Variants in EML4 observed in about 807,000 individuals in gnomAD.
The protein encoded by EML4 is echinoderm microtubule-associated protein-like 4.
A neutral mutation model predicts 129.0 loss-of-function variants in EML4; 72 were observed. The ratio of observed to expected loss-of-function variants is 0.56; its 90% CI spans 0.46 to 0.68. The LOEUF (loss-of-function observed/expected upper bound fraction) is 0.68, where lower values mean the gene tolerates loss of function less well. Among genes scored for constraint, EML4 ranks in the 30% least tolerant of loss-of-function variants. EML4 has a pLI of 0.00. For synonymous variants in EML4, 532 were observed against 405.0 expected, an observed-to-expected ratio of 1.31 and a Z score of -3.77; for missense variants, 1,363 against 1,190.6, an observed-to-expected ratio of 1.14 and a Z score of -2.13.
chr2:42,205,523 A>G (rs1163558890), intron 1 of EML4, among the ~76,000 whole-genome samples: 1 of 144,530 alleles, frequency 6.9e-6, no homozygotes, highest in African/African-American at 2.4e-5. Context: ...TACCTAACTC[A>G]CAGTAAGCAC....
rs2104389962 is a variant in EML4, at chr2:42,263,174, C to T, written c.513-4C>T. ...TTTCTCTAAGAAATTAATGTTCCTT[C>T]TAGCATAAAACGACCATCACCAGCT... On this transcript the variant is annotated splice_region_variant and splice_polypyrimidine_tract_variant and intron_variant, in intron 4 of 22. Coordinates refer to ENST00000318522, the MANE Select transcript of EML4 (RefSeq NM_019063.5). The T allele has an allele frequency of 6.2e-7, 1 of 1,608,040 alleles. No homozygotes were observed. Among genetic ancestry groups the T allele is most frequent in the Non-Finnish European group, 8.5e-7 (1 of 1,177,826 alleles).
chr2:42,316,208 A>C (rs987168868), intron 18 of EML4, among the ~76,000 whole-genome samples, 158 bp downstream of exon 18: 1 of 152,272 alleles, frequency 6.6e-6, no homozygotes, highest in Non-Finnish European at 1.5e-5. Context: ...TTCTGCTGCC[A>C]GAAACTGCAA....
At chr2:42,189,975 A>C (rs985854806) in intron 1 of EML4, among the ~76,000 whole-genome samples, 11 of 152,184 alleles carry the variant, frequency 7.2e-5, no homozygotes, top group Non-Finnish European at 1.3e-4. Context: ...CAAAGAGGAA[A>C]AAAAAAGTCA....
chr2:42,221,568 CCTGA>C (rs1673600573), intron 1 of EML4, among the ~76,000 whole-genome samples: 1 of 151,532 alleles, frequency 6.6e-6, no homozygotes, highest in Non-Finnish European at 1.5e-5. Flanking sequence ...CCCAACCATG[CCTGA>C]CTAATTTTTG....
intron 1 of EML4, among the ~76,000 whole-genome samples, chr2:42,225,197 T>G (rs1673877464): frequency 6.6e-6 from 1 of 152,176 alleles, no homozygotes; most frequent in Non-Finnish European, 1.5e-5. Flanking sequence ...TGGCTGTTGT[T>G]AATAATACTG....
intron 1 of EML4, among the ~76,000 whole-genome samples, chr2:42,191,825 T>C (rs771333636): frequency 5.9e-5 from 9 of 152,150 alleles, no homozygotes; most frequent in Non-Finnish European, 7.4e-5. Flanking sequence ...TTTGGGAGGC[T>C]GAGGCGGGCG....
chr2:42,194,380 CATT>C (rs1197038168), intron 1 of EML4, among the ~76,000 whole-genome samples: 16 of 121,124 alleles, frequency 1.3e-4, no homozygotes, highest in African/African-American at 4.7e-4. Context: ...TAATTTATAT[CATT>C]GTTGACTTGT....
intron 10 of EML4, among the ~76,000 whole-genome samples, chr2:42,286,619 C>T (rs1667321863): frequency 6.6e-6 from 1 of 152,154 alleles, no homozygotes. Flanking sequence ...ATTATGCTGC[C>T]TTGAGGTAGA....
In EML4 at chr2:42,188,031, G is replaced by A. The variant is rs1185083067; in HGVS notation, c.25+18395G>A. Among the ~76,000 whole-genome samples the A allele has an allele frequency of 3.9e-5, 6 of 152,026 alleles. 1 individual carries two copies. The highest frequency in any genetic ancestry group is 2.6e-4 in the Admixed American group (4 of 15,264). On this transcript the variant is annotated intron_variant, in intron 1 of 22. Coordinates refer to ENST00000318522, the MANE Select transcript of EML4 (RefSeq NM_019063.5). ...TGTATAGGGTACAAAGTCAAGTTTCGTTTATTTGCACACTGATGATTTTTG... is the reference window on the plus strand; with the variant it reads ...TGTATAGGGTACAAAGTCAAGTTTCATTTATTTGCACACTGATGATTTTTG...
intron 1 of EML4, among the ~76,000 whole-genome samples, chr2:42,201,249 CTGTT>C: frequency 6.6e-6 from 1 of 152,150 alleles, no homozygotes. Flanking sequence ...GTATCAGAAT[CTGTT>C]TGATGTACTT....
Position 42,295,777 on chromosome 2 carries a change from A to G in EML4, c.1489+261A>G, listed in dbSNP as rs10490554. ...TAATAATTAGAAAGAAATGATATGG[A>G]TATATGTTAGTTTAAAAAGTATAAA... On this transcript the variant is annotated intron_variant, in intron 13 of 22. Coordinates refer to ENST00000318522, the MANE Select transcript of EML4 (RefSeq NM_019063.5). 0.14 allele frequency among the ~76,000 whole-genome samples: 21,857 copies of G among 152,196 alleles called. 1,782 individuals carry two copies. The highest frequency in any genetic ancestry group is 0.28 in the South Asian group (1,331 of 4,828).
chr2:42,254,565 A>C lies in EML4; in HGVS notation c.209-1936A>C, dbSNP rs553922901. On this transcript the variant is annotated intron_variant, in intron 2 of 22. Transcript: ENST00000318522. The stretch of plus-strand genomic sequence containing the variant: ...TAAAGGAAGTAGGGAATAGAAAAAC[A>C]ATAGAATCAGTGAAACCAAAACTTA... Among the ~76,000 whole-genome samples, 3 of 152,238 alleles carry C rather than the reference A, an allele frequency of 2.0e-5. No individual in the cohort carries two copies. The South Asian group carries it at 6.2e-4, about 32-fold the overall frequency.
At chr2:42,185,789 T>A (rs1429585605) in intron 1 of EML4, among the ~76,000 whole-genome samples, 1 of 152,078 alleles carries the variant, frequency 6.6e-6, no homozygotes, top group Non-Finnish European at 1.5e-5. Flanking sequence ...CTGGGGAGAA[T>A]GAATTGGAGC....
At chr2:42,258,287 G>A (rs1467417344) in intron 3 of EML4, among the ~76,000 whole-genome samples, 3 of 151,778 alleles carry the variant, frequency 2.0e-5, no homozygotes, top group Non-Finnish European at 4.4e-5. Flanking sequence ...TCTGTTTTTT[G>A]TTTTTGTTTT....
chr2:42,184,559 A>G (rs894819921), intron 1 of EML4, among the ~76,000 whole-genome samples: 10 of 151,500 alleles, frequency 6.6e-5, no homozygotes, highest in Admixed American at 4.6e-4. Context: ...CGCCCCCTAC[A>G]TGGATTCCCT....
At chr2:42,256,058 T>C (rs12465809) in intron 2 of EML4, among the ~76,000 whole-genome samples, 42,364 of 152,066 alleles carry the variant, frequency 0.28, 6,438 homozygotes, top group East Asian at 0.57. Context: ...AGGTTAACTT[T>C]ATATACTTAT....
chr2:42,257,754 G>A lies in EML4; in HGVS notation c.338+1124G>A, dbSNP rs528567284. ...CAGGAGGCTGAGGCAGGAGAATGGC[G>A]TGAACCCAGGAGGGGGAGCTTGCAG... is the stretch of plus-strand genomic sequence containing the variant. On this transcript the variant is annotated intron_variant, in intron 3 of 22. Transcript: ENST00000318522. 1.5e-4 allele frequency among the ~76,000 whole-genome samples: 23 copies of A among 151,624 alleles called. No individual in the cohort carries two copies. In the East Asian group the frequency reaches 2.9e-3, roughly 19 times the overall value.
At chr2:42,314,359 A>G (rs1284421533) in intron 17 of EML4, among the ~76,000 whole-genome samples, 1 of 146,046 alleles carries the variant, frequency 6.8e-6, no homozygotes, top group East Asian at 2.1e-4. Flanking sequence ...GCTTCCGTCT[A>G]AAAAAAAAAA....
At chr2:42,216,793 A>G (rs1673222653) in intron 1 of EML4, among the ~76,000 whole-genome samples, 1 of 152,208 alleles carries the variant, frequency 6.6e-6, no homozygotes, top group Non-Finnish European at 1.5e-5. Context: ...TTTCTTTGCA[A>G]TGGAGGAAAG....
Sources: allele counts gnomAD v4.1 joint callset (sites outside exome capture counted in the v4.1 genomes callset), GRCh38; gene constraint gnomAD v4.1.1; transcripts MANE v1.5; gene names NCBI Gene and HGNC (gene_info 2026-07-23, HGNC 2026-07-21).